FAM83A: variants seen among roughly 807,000 people sequenced by gnomAD.
FAM83A encodes scaffolding CK1 anchoring protein A, also known as protein FAM83A.
A neutral mutation model predicts 24.4 loss-of-function variants in FAM83A; 21 were observed. The observed-to-expected ratio is 0.86, with a 90% CI of 0.61 to 1.24. The LOEUF (loss-of-function observed/expected upper bound fraction) is 1.24, where lower values mean the gene tolerates loss of function less well. Ranked by LOEUF, FAM83A falls within the 50% of genes most tolerant of loss-of-function variation. The probability of loss-of-function intolerance (pLI) is 0.00; values close to 1 mark genes in which losing one functional copy is unlikely to be tolerated. For synonymous variants in FAM83A, 270 were observed against 252.4 expected (o/e 1.07, Z -0.66); for missense variants, 617 against 579.8 (o/e 1.06, Z -0.66).
intron 3 of FAM83A, among the ~76,000 whole-genome samples, chr8:123,205,617 G>C (rs759702459): frequency 6.6e-6 from 1 of 152,180 alleles, no homozygotes; most frequent in Non-Finnish European, 1.5e-5. Flanking sequence ...TGGGGGCTGC[G>C]ATCCTATCTT....
exon 1 of FAM83A, chr8:123,182,777 C>T (rs28694222): frequency 0.088 from 131,195 of 1,492,704 alleles, 6,414 homozygotes; most frequent in African/African-American, 0.14. Context: ...CCCACTCCTC[C>T]GTGGTGTGTT....
At chr8:123,182,680 C>T in exon 1 of FAM83A, 1 of 927,770 alleles carries the variant, frequency 1.1e-6, no homozygotes, top group Non-Finnish European at 1.7e-6. Flanking sequence ...TTCTGAGAAG[C>T]ATTGCTCAGG....
In FAM83A at chr8:123,207,145, C is replaced by T; in HGVS notation, c.774-12C>T. ...CTTCTCCTCCATCACTCTCTCTCCT[C>T]TTCCCCTCCAGCTTCACCTGGCTCT... is the stretch of plus-strand genomic sequence containing the variant. On this transcript the variant is annotated splice_polypyrimidine_tract_variant and intron_variant, in intron 3 of 3. Coordinates refer to ENST00000690554, the Ensembl canonical transcript of FAM83A. 2 of 1,405,714 alleles carry T rather than the reference C, an allele frequency of 1.4e-6. No homozygotes were observed. Among genetic ancestry groups the T allele is most frequent in the South Asian group, 1.2e-5 (1 of 81,014 alleles). 87.1% of individuals were successfully genotyped at this position (1,405,714 alleles called of 1,614,324 possible).
chr8:123,192,837 G>C (rs758326873), intron 2 of FAM83A: 1 of 152,318 alleles, frequency 6.6e-6, no homozygotes, highest in African/African-American at 2.4e-5. Flanking sequence ...TCCTTGGCAC[G>C]AGGCCATTGA....
At chr8:123,208,432 G>C in exon 4 of FAM83A, 2 of 985,584 alleles carry the variant, frequency 2.0e-6, no homozygotes, top group Non-Finnish European at 2.4e-6. Flanking sequence ...CTGGAGTCTA[G>C]ACTGGACCTA....
intron 3 of FAM83A, among the ~76,000 whole-genome samples, chr8:123,205,610 G>A (rs886652112): frequency 2.0e-5 from 3 of 152,198 alleles, no homozygotes; most frequent in African/African-American, 7.2e-5. Flanking sequence ...TGGGGGCTGG[G>A]GGCTGCGATC....
Position 123,209,897 on chromosome 8 carries a change from T to C in FAM83A, c.*2209T>C. 3.8e-6 allele frequency: 1 copy of C among 265,952 alleles called. No individual in the cohort carries two copies. The highest frequency in any genetic ancestry group is 7.3e-6 in the Non-Finnish European group (1 of 136,218). The allele number at this position is 265,952 out of a possible 1,614,324, so 16.5% of individuals were successfully genotyped here. On this transcript the variant is annotated 3_prime_UTR_variant, in exon 4 of 4. Transcript: ENST00000690554. The surrounding 1 kb of genome is among the most constrained non-coding windows in gnomAD (Gnocchi z 4.7). ...GGAGCATGAGCAGAACCGCCGAGGGTCACTTCTGGGCAGAAGCTTTGAGAG... is the reference window on the plus strand; with the variant it reads ...GGAGCATGAGCAGAACCGCCGAGGGCCACTTCTGGGCAGAAGCTTTGAGAG...
upstream of FAM83A, chr8:123,182,025 G>A (rs1396835591): frequency 1.3e-5 from 6 of 456,124 alleles, no homozygotes; most frequent in Admixed American, 1.4e-4. Context: ...TCTCACTCCA[G>A]CGCCAACACT....
At chr8:123,196,335 G>C in intron 3 of FAM83A, among the ~76,000 whole-genome samples, 1 of 152,260 alleles carries the variant, frequency 6.6e-6, no homozygotes, top group South Asian at 2.1e-4. Flanking sequence ...TAAAAGTATA[G>C]TTTTATCATC....
In FAM83A at chr8:123,194,020, A is replaced by G; in HGVS notation, c.649-4A>G. The G allele has an allele frequency of 1.2e-6, 2 of 1,614,112 alleles. No homozygotes were observed. On this transcript the variant is annotated splice_polypyrimidine_tract_variant and splice_region_variant and intron_variant, in intron 2 of 3. Transcript: ENST00000690554. ...AAGTGACACCTTGACTTTCCCTCCA[A>G]CAGAACATTTCCATCCGGAGTGTGG...
chr8:123,198,279 T>C (rs1773592614), intron 3 of FAM83A, among the ~76,000 whole-genome samples: 2 of 152,284 alleles, frequency 1.3e-5, no homozygotes, highest in Non-Finnish European at 2.9e-5. Context: ...TGAGAAACGT[T>C]ACGCCCTCCC....
Position 123,192,036 on chromosome 8 carries a change from G to A in FAM83A, c.648+66G>A, listed in dbSNP as rs564546949. 230 of 1,531,126 alleles carry A rather than the reference G, an allele frequency of 1.5e-4. 2 individuals are homozygous for A. In the South Asian group the frequency reaches 2.2e-3, roughly 15 times the overall value. 94.8% of individuals were successfully genotyped at this position (1,531,126 alleles called of 1,614,324 possible). On this transcript the variant is annotated intron_variant, in intron 2 of 3. Coordinates refer to ENST00000690554, the Ensembl canonical transcript of FAM83A. ...CCCAGATAGGATAGTCTATGCAATA[G>A]TAACAAATGTCCCTCATCTTGTGTT...
intron 3 of FAM83A, among the ~76,000 whole-genome samples, chr8:123,206,337 C>T (rs1221852874): frequency 1.3e-5 from 2 of 152,110 alleles, no homozygotes; most frequent in Non-Finnish European, 2.9e-5. Context: ...GGGAGGCGCA[C>T]GGTGCTCCTC....
intron 1 of FAM83A, among the ~76,000 whole-genome samples, chr8:123,186,446 A>C (rs930203698): frequency 6.6e-6 from 1 of 152,180 alleles, no homozygotes; most frequent in Non-Finnish European, 1.5e-5. Context: ...AAGGGAACCA[A>C]CTGAGAGTCC....
chr8:123,185,993 G>T (rs1487386491), intron 1 of FAM83A, among the ~76,000 whole-genome samples: 2 of 152,100 alleles, frequency 1.3e-5, no homozygotes, highest in Admixed American at 6.5e-5. Context: ...GTTTCACCAT[G>T]TTGGCCAGGC....
Position 123,209,449 on chromosome 8 carries a change from A to T in FAM83A, c.*1761A>T. 1.2e-6 allele frequency: 2 copies of T among 1,614,162 alleles called. No homozygotes were observed. Among genetic ancestry groups the T allele is most frequent in the Non-Finnish European group, 1.7e-6 (2 of 1,180,024 alleles). The stretch of plus-strand genomic sequence containing the variant: ...AGTTCCTGAAAGTAAACAAAACAAA[A>T]CAAAAACAAAAAAACAAACAACACT... On this transcript the variant is annotated 3_prime_UTR_variant, in exon 4 of 4. Coordinates refer to ENST00000690554, the Ensembl canonical transcript of FAM83A. This position sits in a 1 kb window ranked among gnomAD's most constrained non-coding sequence, Gnocchi z 4.7.
chr8:123,183,402 G>A lies in FAM83A; in HGVS notation c.480+66G>A. 3.2e-6 allele frequency: 5 copies of A among 1,546,382 alleles called. No individual in the cohort carries two copies. The South Asian group carries it at 5.0e-5, about 15-fold the overall frequency. On this transcript the variant is annotated intron_variant, in intron 1 of 3. Transcript: ENST00000690554. ...GGGAGGATCGGGGGCTGATAGAGCA[G>A]GGAGGGGGGTGCATTTTGCTCCCAG...
At position 123,182,667 on chromosome 8, in the gene FAM83A, G is replaced by A. The variant is rs900689722; in HGVS notation, c.-190G>A. The A allele has an allele frequency of 2.3e-5, 20 of 865,962 alleles. No homozygotes were observed. The African/African-American group carries it at 3.0e-4, about 13-fold the overall frequency. The allele number at this position is 865,962 out of a possible 1,614,324, so 53.6% of individuals were successfully genotyped here. A position where few individuals can be genotyped will look rare whatever the true frequency, so the allele number is the denominator to read the frequency against. On this transcript the variant is annotated 5_prime_UTR_variant, in exon 1 of 4. Transcript: ENST00000690554. Reference sequence around the variant, plus strand: ...AGCCAATCCCGCAGCTGCAGATGAGGAGTTCTGAGAAGCATTGCTCAGGAC... The same window carrying A: ...AGCCAATCCCGCAGCTGCAGATGAGAAGTTCTGAGAAGCATTGCTCAGGAC...
rs1824624153 is a variant in FAM83A at position 123,208,021 on chromosome 8, G to A, written c.*333G>A. On this transcript the variant is annotated 3_prime_UTR_variant, in exon 4 of 4. Coordinates refer to ENST00000690554, the Ensembl canonical transcript of FAM83A. The stretch of plus-strand genomic sequence containing the variant: ...ATTAATGGCCCCCAAAACTCCGTAA[G>A]AAGCAGGAAATGCAGCCCAAGTTTT... 5.3e-6 allele frequency: 6 copies of A among 1,123,188 alleles called. No homozygotes were observed. The South Asian group carries it at 2.6e-4, about 50-fold the overall frequency. The allele number at this position is 1,123,188 out of a possible 1,614,324, so 69.6% of individuals were successfully genotyped here. A position where few individuals can be genotyped will look rare whatever the true frequency, so the allele number is the denominator to read the frequency against.
Sources: allele counts gnomAD v4.1 joint callset (sites outside exome capture counted in the v4.1 genomes callset), GRCh38; gene constraint gnomAD v4.1.1; non-coding constraint Gnocchi (gnomAD v3.1); transcripts MANE v1.5; gene names NCBI Gene and HGNC (gene_info 2026-07-23, HGNC 2026-07-21).